AKT3: variants seen among roughly 807,000 people sequenced by gnomAD.
AKT3 encodes the protein RAC-gamma serine/threonine-protein kinase.
A neutral mutation model predicts 65.3 loss-of-function variants in AKT3; 15 were observed. The ratio of observed to expected loss-of-function variants is 0.23; its 90% CI spans 0.15 to 0.35. The LOEUF is 0.35. Ranked by LOEUF, AKT3 falls within the 10% of genes least tolerant of loss-of-function variation. The pLI is 1.00. For synonymous variants in AKT3, 206 were observed against 183.8 expected (o/e 1.12, Z -0.98); for missense variants, 243 against 576.5 (o/e 0.42, Z 5.92).
At chr1:243,569,117 A>G (rs773719805) in intron 9 of AKT3, among the ~76,000 whole-genome samples, 1 of 152,210 alleles carries the variant, frequency 6.6e-6, no homozygotes. Context: ...CAGGCCCAAG[A>G]AGGTAGTAAG....
At chr1:243,833,894 T>C (rs1694708376) in intron 2 of AKT3, among the ~76,000 whole-genome samples, 1 of 151,796 alleles carries the variant, frequency 6.6e-6, no homozygotes, top group African/African-American at 2.4e-5. Context: ...ACTCCATCTC[T>C]ATAAAAAAAT....
Position 243,836,399 on chromosome 1 carries a change from G to C in AKT3, c.46+6726C>G, listed in dbSNP as rs1018763062. 2.6e-5 allele frequency among the ~76,000 whole-genome samples: 4 copies of C among 151,260 alleles called. No homozygotes were observed. In the East Asian group the frequency reaches 7.7e-4, roughly 29 times the overall value. Reference sequence around the variant, plus strand: ...CAAAATATATAAAATTAAAAAGGTAGGACTAAAGAGAGAAACAGATAAATT... The same window carrying C: ...CAAAATATATAAAATTAAAAAGGTACGACTAAAGAGAGAAACAGATAAATT... On this transcript the variant is annotated intron_variant, in intron 2 of 13. Transcript: ENST00000673466.
intron 1 of AKT3, among the ~76,000 whole-genome samples, chr1:243,844,650 A>T (rs1006225091): frequency 1.3e-5 from 2 of 152,156 alleles, no homozygotes; most frequent in Admixed American, 1.3e-4. Context: ...AATTTTTAAA[A>T]AAAATTTTTG....
chr1:243,598,827 AT>A lies in AKT3; in HGVS notation c.696+14843del, dbSNP rs1351690605. On this transcript the variant is annotated intron_variant, in intron 8 of 13. Transcript: ENST00000673466. ...TTTATTGGGTTTATTTTGTTTTATT[AT>A]TTTATAATATGCATCTCCTTCTAGA... is the stretch of plus-strand genomic sequence containing the variant. Among the ~76,000 whole-genome samples the A allele has an allele frequency of 3.3e-5, 5 of 152,262 alleles. No individual in the cohort carries two copies. In the East Asian group the frequency reaches 7.7e-4, roughly 23 times the overall value.
chr1:243,824,578 C>T (rs1446230094), intron 2 of AKT3, among the ~76,000 whole-genome samples: 1 of 151,460 alleles, frequency 6.6e-6, no homozygotes, highest in Non-Finnish European at 1.5e-5. Context: ...AAACTTCATT[C>T]GAAAGTGGGC....
intron 3 of AKT3, among the ~76,000 whole-genome samples, chr1:243,680,301 C>G (rs1455552585): frequency 6.6e-6 from 1 of 152,040 alleles, no homozygotes; most frequent in Admixed American, 6.6e-5. Flanking sequence ...GAGCACAAAA[C>G]AAATGAATGA....
At chr1:243,740,306 TTG>T (rs1688075558) in intron 2 of AKT3, among the ~76,000 whole-genome samples, 1 of 152,218 alleles carries the variant, frequency 6.6e-6, no homozygotes, top group Admixed American at 6.5e-5. Flanking sequence ...GTCAAGGGAC[TTG>T]TGAGAAAAGC....
At chr1:243,674,795 A>T (rs1361830058) in intron 3 of AKT3, among the ~76,000 whole-genome samples, 2 of 152,240 alleles carry the variant, frequency 1.3e-5, no homozygotes, top group Admixed American at 6.5e-5. Flanking sequence ...AATACTAAAG[A>T]TTAGTTTTAT....
At chr1:243,724,603 A>G (rs1051824685) in intron 2 of AKT3, among the ~76,000 whole-genome samples, 2 of 152,154 alleles carry the variant, frequency 1.3e-5, no homozygotes, top group African/African-American at 4.8e-5. Context: ...ACTTAATACA[A>G]ATGCATCCAT....
At chr1:243,555,937 T>C (rs533334697) in intron 10 of AKT3, among the ~76,000 whole-genome samples, 25 of 152,272 alleles carry the variant, frequency 1.6e-4, no homozygotes, top group African/African-American at 6.0e-4. Context: ...CTACAGTCCT[T>C]TGTAACCACA....
chr1:243,762,181 T>G (rs538068412), intron 2 of AKT3, among the ~76,000 whole-genome samples: 2 of 152,260 alleles, frequency 1.3e-5, no homozygotes, highest in Admixed American at 1.3e-4. Context: ...ATTAAAGTTA[T>G]CTTTCATTCC....
intron 1 of AKT3, among the ~76,000 whole-genome samples, chr1:243,846,634 T>C (rs746360059): frequency 1.7e-4 from 26 of 152,184 alleles, no homozygotes; most frequent in Admixed American, 6.5e-5. Context: ...TGTAAACATT[T>C]GAGTTATTTA....
At chr1:243,645,825 T>C in intron 5 of AKT3, 68 bp downstream of exon 5, 1 of 1,423,090 alleles carries the variant, frequency 7.0e-7, no homozygotes, top group Non-Finnish European at 9.4e-7. Flanking sequence ...TTTCTGCAAA[T>C]GGTAGCTTTT....
chr1:243,529,668 T>C (rs1162957834), intron 12 of AKT3, among the ~76,000 whole-genome samples: 2 of 152,308 alleles, frequency 1.3e-5, no homozygotes, highest in Middle Eastern at 3.4e-3. Flanking sequence ...TTTTGTACCA[T>C]TACCATGCTG....
At chr1:243,635,803 C>T (rs749490690) in intron 6 of AKT3, among the ~76,000 whole-genome samples, 26 of 152,004 alleles carry the variant, frequency 1.7e-4, no homozygotes, top group Admixed American at 2.6e-4. Context: ...ATCATTTCTT[C>T]CCTGATATGT....
chr1:243,733,088 A>T (rs1318758863), intron 2 of AKT3, among the ~76,000 whole-genome samples: 1 of 152,230 alleles, frequency 6.6e-6, no homozygotes, highest in Non-Finnish European at 1.5e-5. Context: ...CCTGTTCAGT[A>T]CTGTGCTATG....
chr1:243,765,304 T>C (rs1420528303), intron 2 of AKT3, among the ~76,000 whole-genome samples: 2 of 152,000 alleles, frequency 1.3e-5, no homozygotes, highest in African/African-American at 4.8e-5. Flanking sequence ...AGAATTTTCA[T>C]AAATATCTTC....
intron 8 of AKT3, among the ~76,000 whole-genome samples, chr1:243,573,858 G>A (rs1292163075): frequency 6.6e-6 from 1 of 152,040 alleles, no homozygotes; most frequent in African/African-American, 2.4e-5. Context: ...CTCTCCAATA[G>A]GCCACTTCTT....
rs191443267 is a variant in AKT3 at position 243,603,285 on chromosome 1, A to G, written c.696+10386T>C. Reference sequence around the variant, plus strand: ...AGCCAAGGTGCATACCTTGTACCAAACCAGAAAAGGAAGAATCCCTGGTAG... The same window carrying G: ...AGCCAAGGTGCATACCTTGTACCAAGCCAGAAAAGGAAGAATCCCTGGTAG... On this transcript the variant is annotated intron_variant, in intron 8 of 13. Transcript: ENST00000673466. 4.0e-3 allele frequency among the ~76,000 whole-genome samples: 606 copies of G among 152,284 alleles called. 12 individuals carry two copies. In the South Asian group the frequency reaches 0.049, roughly 12 times the overall value.
Sources: gnomAD v4.1 joint callset for allele counts (sites outside exome capture counted in the v4.1 genomes callset) on GRCh38, gnomAD v4.1.1 for gene constraint, MANE v1.5 for transcripts, NCBI Gene and HGNC (gene_info 2026-07-23, HGNC 2026-07-21) for gene names.